Variants in KCNIP4 observed in about 807,000 individuals in gnomAD.
The protein encoded by KCNIP4 is potassium voltage-gated channel interacting protein 4.
KCNIP4 carries 12 observed loss-of-function variants against 34.0 expected under a neutral mutation model. The ratio of observed to expected loss-of-function variants is 0.35; its 90% confidence interval spans 0.23 to 0.57. The LOEUF (loss-of-function observed/expected upper bound fraction) is 0.57. KCNIP4 is among the 20% of genes least tolerant of loss of function. The pLI, the probability that KCNIP4 is intolerant of heterozygous loss-of-function variation, is 0.83. For missense variants in KCNIP4, 238 were observed against 311.7 expected, an observed-to-expected ratio of 0.76 and a Z score of 1.78; for synonymous variants, 124 against 102.2, an observed-to-expected ratio of 1.21 and a Z score of -1.29.
intron 1 of KCNIP4, among the ~76,000 whole-genome samples, chr4:21,506,943 C>A (rs1272460365): frequency 6.6e-6 from 1 of 151,898 alleles, no homozygotes; most frequent in Non-Finnish European, 1.5e-5. Flanking sequence ...AGGTGTGCAC[C>A]ACCACATCCG....
intron 1 of KCNIP4, among the ~76,000 whole-genome samples, chr4:20,917,695 C>T (rs1158734828): frequency 6.6e-6 from 1 of 152,106 alleles, no homozygotes; most frequent in Non-Finnish European, 1.5e-5. Flanking sequence ...GTAGGTTACT[C>T]TTGAGAAACA....
At chr4:21,931,089 A>G (rs1488642447) in intron 1 of KCNIP4, among the ~76,000 whole-genome samples, 1 of 152,144 alleles carries the variant, frequency 6.6e-6, no homozygotes, top group Non-Finnish European at 1.5e-5. Flanking sequence ...AGGCCATTAC[A>G]AAATCAGAGT....
chr4:21,460,343 T>G (rs1487084447), intron 1 of KCNIP4, among the ~76,000 whole-genome samples: 1 of 152,094 alleles, frequency 6.6e-6, no homozygotes, highest in African/African-American at 2.4e-5. Context: ...CAGCTCTCCC[T>G]GTTGGACCCC....
chr4:21,439,209 T>A (rs1577361202), intron 1 of KCNIP4, among the ~76,000 whole-genome samples: 2 of 144,342 alleles, frequency 1.4e-5, no homozygotes, highest in African/African-American at 2.6e-5. Context: ...AAGAGGGAGG[T>A]CCTTGTCTGG....
At chr4:21,255,544 G>C (rs1274733273) in intron 1 of KCNIP4, among the ~76,000 whole-genome samples, 1 of 151,696 alleles carries the variant, frequency 6.6e-6, no homozygotes, top group Admixed American at 6.6e-5. Flanking sequence ...CTCAGCCTCA[G>C]CCTCTGGGTG....
chr4:20,983,447 T>C lies in KCNIP4; in HGVS notation c.62-100738A>G, dbSNP rs192908105. Among the ~76,000 whole-genome samples the C allele has an allele frequency of 5.2e-3, 796 of 152,296 alleles. 2 individuals are homozygous for C. Among genetic ancestry groups the C allele is most frequent in the Middle Eastern group, 0.014 (4 of 294 alleles). ...CTTCACAAATCAAGATACTCTTTCA[T>C]AGGATGAAATCACTAATGACATTAA... On this transcript the variant is annotated intron_variant, in intron 1 of 8. Coordinates refer to ENST00000382152, the MANE Select transcript of KCNIP4 (RefSeq NM_025221.6).
intron 1 of KCNIP4, among the ~76,000 whole-genome samples, chr4:21,907,258 C>A (rs574116293): frequency 2.9e-4 from 44 of 152,164 alleles, no homozygotes; most frequent in African/African-American, 9.9e-4. Flanking sequence ...GGACTAACTC[C>A]GTTACTGAAA....
chr4:21,626,985 C>A (rs1201616789), intron 1 of KCNIP4, among the ~76,000 whole-genome samples: 1 of 152,070 alleles, frequency 6.6e-6, no homozygotes, highest in South Asian at 2.1e-4. Flanking sequence ...TATAAAGTCC[C>A]GGCCTAGTCA....
intron 1 of KCNIP4, among the ~76,000 whole-genome samples, chr4:21,074,217 AG>A (rs1745255710): frequency 6.6e-6 from 1 of 152,154 alleles, no homozygotes; most frequent in Non-Finnish European, 1.5e-5. Context: ...GAATGGTATC[AG>A]CTCCTCCTTG....
intron 1 of KCNIP4, among the ~76,000 whole-genome samples, chr4:21,935,827 C>T (rs1049140314): frequency 2.6e-5 from 4 of 152,046 alleles, no homozygotes; most frequent in African/African-American, 4.8e-5. Context: ...ACTTCATATG[C>T]ATTAATTCAG....
intron 1 of KCNIP4, among the ~76,000 whole-genome samples, chr4:20,989,490 A>G (rs1736889498): frequency 6.6e-6 from 1 of 152,194 alleles, no homozygotes; most frequent in Non-Finnish European, 1.5e-5. Context: ...CTGAAAAGTT[A>G]AAAAGAAGTA....
At chr4:21,431,107 C>A (rs1393657042) in intron 1 of KCNIP4, among the ~76,000 whole-genome samples, 1 of 151,608 alleles carries the variant, frequency 6.6e-6, no homozygotes, top group Non-Finnish European at 1.5e-5. Context: ...ATGAGCATTT[C>A]TTCAATAATA....
At chr4:21,802,375 T>C (rs1417228603) in intron 1 of KCNIP4, among the ~76,000 whole-genome samples, 1 of 152,188 alleles carries the variant, frequency 6.6e-6, no homozygotes, top group African/African-American at 2.4e-5. Flanking sequence ...AAACTCATCG[T>C]CTCTCTGCCT....
At chr4:20,961,352 T>A (rs1032708993) in intron 1 of KCNIP4, among the ~76,000 whole-genome samples, 3 of 152,170 alleles carry the variant, frequency 2.0e-5, no homozygotes, top group African/African-American at 7.2e-5. Context: ...TAATGTTCTA[T>A]CACAGATCAT....
intron 1 of KCNIP4, among the ~76,000 whole-genome samples, chr4:21,861,516 G>C (rs921085306): frequency 6.6e-6 from 1 of 152,042 alleles, no homozygotes; most frequent in Non-Finnish European, 1.5e-5. Flanking sequence ...GCTAGGCATG[G>C]TGGTTTGTTC....
At chr4:20,767,850 G>A (rs555324009) in intron 3 of KCNIP4, among the ~76,000 whole-genome samples, 2 of 152,158 alleles carry the variant, frequency 1.3e-5, no homozygotes, top group South Asian at 2.1e-4. Flanking sequence ...AAGTGCTTGT[G>A]AAATAGTTAT....
intron 1 of KCNIP4, among the ~76,000 whole-genome samples, chr4:21,513,664 A>G (rs1207689720): frequency 1.3e-5 from 2 of 152,226 alleles, no homozygotes; most frequent in African/African-American, 4.8e-5. Flanking sequence ...CAGAACCTTC[A>G]GCCTTCACGT....
Position 21,948,722 on chromosome 4 carries a change from C to G in KCNIP4, c.-91G>C. 7.1e-7 allele frequency: 1 copy of G among 1,402,470 alleles called. No individual in the cohort carries two copies. The highest frequency in any genetic ancestry group is 2.4e-5 in the Admixed American group (1 of 42,164). 86.9% of individuals were successfully genotyped at this position (1,402,470 alleles called of 1,614,324 possible). ...GTCTGCACGGGAGCGCACCGCCGCT[C>G]GGCCCGGGGGCGTCCGTGGCGCTGG... On this transcript the variant is annotated 5_prime_UTR_variant, in exon 1 of 9. Coordinates refer to ENST00000382152, the MANE Select transcript of KCNIP4 (RefSeq NM_025221.6).
chr4:21,683,038 T>C (rs1750502316), intron 1 of KCNIP4, among the ~76,000 whole-genome samples: 1 of 152,184 alleles, frequency 6.6e-6, no homozygotes, highest in Non-Finnish European at 1.5e-5. Flanking sequence ...GCCATGAAAC[T>C]TCAATTTGTA....
Sources: gnomAD v4.1 joint callset for allele counts (sites outside exome capture counted in the v4.1 genomes callset) on GRCh38, gnomAD v4.1.1 for gene constraint, MANE v1.5 for transcripts, NCBI Gene and HGNC (gene_info 2026-07-23, HGNC 2026-07-21) for gene names.